The following CCDC91 variants were observed in gnomAD, a reference collection of about 807,000 sequenced individuals.
CCDC91 encodes coiled-coil domain containing 91, also known as coiled-coil domain-containing protein 91.
In CCDC91, 48 loss-of-function variants were observed where a neutral mutation model predicts 63.2. That is an observed-to-expected ratio of 0.76 (90% CI 0.60 to 0.97). CCDC91 has a LOEUF of 0.97. Among genes scored for constraint, CCDC91 ranks in the 50% least tolerant of loss-of-function variants. The probability of loss-of-function intolerance (pLI) is 0.00; values close to 1 mark genes in which losing one functional copy is unlikely to be tolerated. For synonymous variants in CCDC91, 167 were observed against 165.8 expected, an observed-to-expected ratio of 1.01 and a Z score of -0.06; for missense variants, 500 against 494.6, an observed-to-expected ratio of 1.01 and a Z score of -0.10.
intron 8 of CCDC91, among the ~76,000 whole-genome samples, chr12:28,398,929 T>G (rs540789549): frequency 6.6e-6 from 1 of 152,350 alleles, no homozygotes; most frequent in Non-Finnish European, 1.5e-5. Flanking sequence ...TATTTTTTCA[T>G]AGTTTCTGTC....
chr12:28,224,862 G>A (rs1022412781), intron 1 of CCDC91, among the ~76,000 whole-genome samples: 3 of 152,032 alleles, frequency 2.0e-5, no homozygotes, highest in Admixed American at 6.6e-5. Context: ...GAATTACAAC[G>A]GTAAATAATC....
intron 1 of CCDC91, among the ~76,000 whole-genome samples, chr12:28,255,318 A>G (rs1340398157): frequency 6.6e-6 from 1 of 152,212 alleles, no homozygotes; most frequent in Non-Finnish European, 1.5e-5. Context: ...TTTTGAAACC[A>G]TATTATTTGA....
At chr12:28,518,735 T>G (rs532831093) in intron 12 of CCDC91, among the ~76,000 whole-genome samples, 1 of 152,064 alleles carries the variant, frequency 6.6e-6, no homozygotes, top group South Asian at 2.1e-4. Flanking sequence ...CTTAAGCTAA[T>G]GTCTAGAAGG....
At chr12:28,499,598 A>G (rs1043776546) in intron 12 of CCDC91, among the ~76,000 whole-genome samples, 1 of 151,954 alleles carries the variant, frequency 6.6e-6, no homozygotes, top group Non-Finnish European at 1.5e-5. Flanking sequence ...GAGTGAGAAC[A>G]TGCAGTATTT....
intron 3 of CCDC91, among the ~76,000 whole-genome samples, chr12:28,267,727 T>TATA (rs1246338339): frequency 1.1e-4 from 3 of 28,438 alleles, no homozygotes; most frequent in Non-Finnish European, 1.4e-4. Context: ...ATATATATTA[T>TATA]TTATTATATA....
intron 7 of CCDC91, among the ~76,000 whole-genome samples, chr12:28,380,261 C>T (rs748320657): frequency 6.6e-6 from 1 of 151,950 alleles, no homozygotes; most frequent in East Asian, 1.9e-4. Flanking sequence ...CAACATGGCA[C>T]GTGTATACCT....
intron 3 of CCDC91, among the ~76,000 whole-genome samples, chr12:28,300,106 C>G (rs1419226567): frequency 6.6e-6 from 1 of 151,326 alleles, no homozygotes; most frequent in African/African-American, 2.4e-5. Flanking sequence ...TGTGTTGTAT[C>G]TATAATCAAG....
At chr12:28,275,845 A>T (rs1368580622) in intron 3 of CCDC91, among the ~76,000 whole-genome samples, 1 of 152,204 alleles carries the variant, frequency 6.6e-6, no homozygotes, top group Non-Finnish European at 1.5e-5. Context: ...GTAATCCAGC[A>T]TATAAACAGA....
At chr12:28,362,303 C>G (rs1317229560) in intron 6 of CCDC91, 135 bp from the exon 7 acceptor site, 3 of 459,388 alleles carry the variant, frequency 6.5e-6, no homozygotes, top group South Asian at 4.3e-5. Context: ...TATGTTTTCT[C>G]TTTGTTTCCA....
At chr12:28,486,264 A>T (rs940825567) in intron 12 of CCDC91, among the ~76,000 whole-genome samples, 1 of 152,184 alleles carries the variant, frequency 6.6e-6, no homozygotes, top group African/African-American at 2.4e-5. Flanking sequence ...TATTTCACTT[A>T]GCGTAATGCC....
At chr12:28,349,739 T>C (rs1442444021) in intron 6 of CCDC91, among the ~76,000 whole-genome samples, 1 of 152,146 alleles carries the variant, frequency 6.6e-6, no homozygotes, top group East Asian at 1.9e-4. Context: ...TCACTCCTTT[T>C]CTTGTTTACT....
intron 3 of CCDC91, among the ~76,000 whole-genome samples, chr12:28,302,342 A>G (rs1207897657): frequency 3.9e-5 from 6 of 152,008 alleles, no homozygotes; most frequent in South Asian, 4.2e-4. Flanking sequence ...CTTCAATGAC[A>G]ACTTCCATTT....
intron 1 of CCDC91, among the ~76,000 whole-genome samples, chr12:28,250,802 G>C (rs1290444482): frequency 4.6e-5 from 7 of 152,014 alleles, no homozygotes; most frequent in African/African-American, 1.7e-4. Flanking sequence ...ATAAAGAAAG[G>C]ATCCCCACAC....
intron 3 of CCDC91, among the ~76,000 whole-genome samples, chr12:28,286,635 C>T (rs1948932252): frequency 6.6e-6 from 1 of 152,146 alleles, no homozygotes; most frequent in Admixed American, 6.5e-5. Context: ...AGGTTGATCC[C>T]ATGTCTTTGC....
chr12:28,202,639 A>G (rs1463547381), intron 1 of CCDC91, among the ~76,000 whole-genome samples: 1 of 152,224 alleles, frequency 6.6e-6, no homozygotes, highest in African/African-American at 2.4e-5. Flanking sequence ...ATGCTTAGAC[A>G]GGCAGTTTAT....
chr12:28,312,240 A>G (rs1237804572), intron 6 of CCDC91, among the ~76,000 whole-genome samples: 1 of 151,828 alleles, frequency 6.6e-6, no homozygotes, highest in Non-Finnish European at 1.5e-5. Context: ...GCTCCCATGG[A>G]GTCATTCTAG....
chr12:28,527,381 A>G (rs925960923), intron 12 of CCDC91, among the ~76,000 whole-genome samples: 2 of 152,206 alleles, frequency 1.3e-5, no homozygotes, highest in Non-Finnish European at 2.9e-5. Flanking sequence ...TCTTCTGGAT[A>G]TAGCCACCTA....
intron 12 of CCDC91, among the ~76,000 whole-genome samples, chr12:28,492,524 C>T (rs1952067335): frequency 6.6e-6 from 1 of 151,356 alleles, no homozygotes; most frequent in Admixed American, 6.6e-5. Flanking sequence ...GCTTTTTCTA[C>T]TATATCACAC....
chr12:28,521,957 C>T (rs183050110), intron 12 of CCDC91, among the ~76,000 whole-genome samples: 32 of 152,250 alleles, frequency 2.1e-4, no homozygotes, highest in South Asian at 1.7e-3. Context: ...TTTTGATGTG[C>T]TGCTGGATTC....
Sources: allele counts gnomAD v4.1 joint callset (sites outside exome capture counted in the v4.1 genomes callset), GRCh38; gene constraint gnomAD v4.1.1; transcripts MANE v1.5; gene names NCBI Gene and HGNC (gene_info 2026-07-23, HGNC 2026-07-21).